Variants in SAMD12 observed in about 807,000 individuals in gnomAD.
SAMD12 encodes the protein sterile alpha motif domain-containing protein 12.
Under a neutral mutation model 15.0 loss-of-function variants are expected in SAMD12, and 9 were observed. The ratio of observed to expected loss-of-function variants is 0.60; its 90% CI spans 0.36 to 1.05. SAMD12 has a LOEUF of 1.05. SAMD12 is among the 50% of genes least tolerant of loss of function. The probability of loss-of-function intolerance (pLI) is 0.01; values close to 1 mark genes in which losing one functional copy is unlikely to be tolerated. For missense variants in SAMD12, 230 were observed against 234.2 expected (o/e 0.98, Z 0.12); for synonymous variants, 86 against 90.1 (o/e 0.96, Z 0.25).
the SAMD12 span, among the ~76,000 whole-genome samples, chr8:118,177,445 T>G: frequency 6.6e-6 from 1 of 151,940 alleles, no homozygotes; most frequent in African/African-American, 2.4e-5. Context: ...GGTCTCACTG[T>G]GTTGCTCAAG....
intron 1 of SAMD12, among the ~76,000 whole-genome samples, chr8:118,611,006 T>G (rs185757332): frequency 2.0e-5 from 3 of 151,906 alleles, no homozygotes; most frequent in Admixed American, 2.0e-4. Flanking sequence ...TACCCTAGGG[T>G]GGGAAGTAGG....
intron 2 of SAMD12, among the ~76,000 whole-genome samples, chr8:118,475,680 A>AT (rs1823940303): frequency 6.6e-6 from 1 of 152,226 alleles, no homozygotes; most frequent in South Asian, 2.1e-4. Flanking sequence ...TTGTTGGATT[A>AT]TTTAATAAAT....
intron 3 of SAMD12, among the ~76,000 whole-genome samples, chr8:118,418,606 C>A (rs534564867): frequency 6.6e-6 from 1 of 152,096 alleles, no homozygotes; most frequent in East Asian, 1.9e-4. Flanking sequence ...GTGGTCCCAG[C>A]TACTCGGGAG....
chr8:118,538,608 C>T (rs1370945909), intron 2 of SAMD12, among the ~76,000 whole-genome samples: 1 of 152,238 alleles, frequency 6.6e-6, no homozygotes, highest in Non-Finnish European at 1.5e-5. Flanking sequence ...TCTCTCTCCC[C>T]ACCACATGGG....
At chr8:118,531,606 A>C (rs544360742) in intron 2 of SAMD12, among the ~76,000 whole-genome samples, 1 of 152,172 alleles carries the variant, frequency 6.6e-6, no homozygotes, top group South Asian at 2.1e-4. Context: ...TATTTTGTTG[A>C]GCAGTAGTTT....
At chr8:118,531,904 T>C (rs529622939) in intron 2 of SAMD12, among the ~76,000 whole-genome samples, 2 of 152,340 alleles carry the variant, frequency 1.3e-5, no homozygotes, top group African/African-American at 2.4e-5. Flanking sequence ...CTTTTCCTAA[T>C]TGAATACCCT....
intron 3 of SAMD12, among the ~76,000 whole-genome samples, chr8:118,438,878 C>T (rs1294321399): frequency 6.6e-6 from 1 of 152,156 alleles, no homozygotes; most frequent in African/African-American, 2.4e-5. Context: ...CTTCTTAACA[C>T]TGTTTCCCCC....
intron 2 of SAMD12, among the ~76,000 whole-genome samples, chr8:118,576,388 C>G (rs1386849854): frequency 6.6e-6 from 1 of 152,172 alleles, no homozygotes; most frequent in African/African-American, 2.4e-5. Context: ...CAGTTTGGCC[C>G]CAGCCTATTG....
chr8:118,390,443 A>G (rs192354784), intron 3 of SAMD12, among the ~76,000 whole-genome samples: 150 of 152,246 alleles, frequency 9.9e-4, no homozygotes, highest in African/African-American at 3.4e-3. Flanking sequence ...CATTCTGTGT[A>G]GCCTATTCTA....
At chr8:118,201,834 T>C (rs966539996) in intron 4 of SAMD12, among the ~76,000 whole-genome samples, 1 of 152,254 alleles carries the variant, frequency 6.6e-6, no homozygotes, top group African/African-American at 2.4e-5. Flanking sequence ...TTCAAACCTC[T>C]GTTTGATGGG....
chr8:118,619,377 G>A (rs1336122227), intron 1 of SAMD12, among the ~76,000 whole-genome samples: 2 of 151,470 alleles, frequency 1.3e-5, no homozygotes, highest in African/African-American at 2.4e-5. Context: ...TACTTGGGAG[G>A]CTGAGGCAGG....
chr8:118,608,800 G>A (rs1478129932), intron 1 of SAMD12, among the ~76,000 whole-genome samples: 1 of 152,172 alleles, frequency 6.6e-6, no homozygotes, highest in Non-Finnish European at 1.5e-5. Flanking sequence ...CCATGTGTGA[G>A]CATGTGGGAG....
At chr8:118,359,354 A>G (rs1462358521) in intron 4 of SAMD12, among the ~76,000 whole-genome samples, 1 of 152,132 alleles carries the variant, frequency 6.6e-6, no homozygotes, top group Non-Finnish European at 1.5e-5. Flanking sequence ...AGCCTCCAGG[A>G]CAGCAAGCAA....
intron 4 of SAMD12, among the ~76,000 whole-genome samples, chr8:118,320,599 G>C (rs1450804786): frequency 1.4e-5 from 2 of 144,850 alleles, no homozygotes; most frequent in African/African-American, 5.0e-5. Flanking sequence ...TTCTCACTCA[G>C]AGGTTAGAAT....
At chr8:118,465,403 T>C (rs536613271) in intron 2 of SAMD12, among the ~76,000 whole-genome samples, 1 of 152,330 alleles carries the variant, frequency 6.6e-6, no homozygotes, top group East Asian at 1.9e-4. Flanking sequence ...TAAAAGAAGA[T>C]GATCAGCTAA....
At chr8:118,200,177 A>C (rs1449852784) in intron 4 of SAMD12, among the ~76,000 whole-genome samples, 5 of 152,150 alleles carry the variant, frequency 3.3e-5, no homozygotes, top group African/African-American at 4.8e-5. Flanking sequence ...ACTGTGAGTC[A>C]ATTAAACCTC....
intron 2 of SAMD12, among the ~76,000 whole-genome samples, chr8:118,504,673 A>T (rs1824876124): frequency 6.6e-6 from 1 of 152,232 alleles, no homozygotes; most frequent in Non-Finnish European, 1.5e-5. Flanking sequence ...CCCCAAATCC[A>T]ATGACAAGTG....
At chr8:118,183,027 G>T in the SAMD12 span, among the ~76,000 whole-genome samples, 1 of 152,254 alleles carries the variant, frequency 6.6e-6, no homozygotes, top group South Asian at 2.1e-4. Flanking sequence ...AAGCATCAAA[G>T]AATACAAAAA....
intron 3 of SAMD12, among the ~76,000 whole-genome samples, chr8:118,390,613 C>G (rs2171127): frequency 6.6e-6 from 1 of 152,182 alleles, no homozygotes; most frequent in Non-Finnish European, 1.5e-5. Context: ...ACTTAAAGGT[C>G]AGCCAACCCA....
Sources: gnomAD v4.1 joint callset for allele counts (sites outside exome capture counted in the v4.1 genomes callset) on GRCh38, gnomAD v4.1.1 for gene constraint, MANE v1.5 for transcripts, NCBI Gene and HGNC (gene_info 2026-07-23, HGNC 2026-07-21) for gene names.